Variants in NAT1 observed in about 807,000 individuals in gnomAD.
NAT1 encodes N-acetyltransferase 1, also known as arylamine N-acetyltransferase 1.
For synonymous variants in NAT1, 144 were observed against 122.6 expected, an observed-to-expected ratio of 1.17 and a Z score of -1.16; for missense variants, 400 against 339.2, an observed-to-expected ratio of 1.18 and a Z score of -1.41.
chr8:18,180,788 T>C (rs1182949759), intron 2 of NAT1, among the ~76,000 whole-genome samples: 14 of 152,132 alleles, frequency 9.2e-5, no homozygotes, highest in Admixed American at 9.2e-4. Flanking sequence ...AATTATAATG[T>C]ATCAGTTTTT....
upstream of NAT1, among the ~76,000 whole-genome samples, chr8:18,209,618 A>G (rs1249625153): frequency 1.3e-5 from 2 of 152,240 alleles, no homozygotes; most frequent in African/African-American, 4.8e-5. Flanking sequence ...TCTTTCAGAC[A>G]CATTGCCCAG....
intron 2 of NAT1, among the ~76,000 whole-genome samples, chr8:18,189,163 GT>G (rs1158065318): frequency 3.3e-5 from 5 of 152,038 alleles, no homozygotes; most frequent in African/African-American, 1.2e-4. Context: ...ATTTGCTACA[GT>G]TTTTTTCCTT....
chr8:18,186,898 G>A (rs1209636341), intron 2 of NAT1, among the ~76,000 whole-genome samples: 1 of 152,164 alleles, frequency 6.6e-6, no homozygotes, highest in East Asian at 1.9e-4. Context: ...AAGGAGAGCA[G>A]AAGAAACTCG....
chr8:18,210,043 T>A (rs1016800577), upstream of NAT1: 1 of 152,276 alleles, frequency 6.6e-6, no homozygotes, highest in African/African-American at 2.4e-5. Context: ...CTAATGTGAC[T>A]CTGGGGGCGG....
At chr8:18,189,829 A>T (rs1802906815) in intron 2 of NAT1, among the ~76,000 whole-genome samples, 1 of 152,078 alleles carries the variant, frequency 6.6e-6, no homozygotes, top group Non-Finnish European at 1.5e-5. Flanking sequence ...TCACTCTGTT[A>T]CCCAGGCTGG....
intron 2 of NAT1, among the ~76,000 whole-genome samples, chr8:18,199,779 G>A (rs534854533): frequency 3.3e-5 from 5 of 152,206 alleles, no homozygotes; most frequent in East Asian, 1.9e-4. Flanking sequence ...GGGGCTACTC[G>A]TTTCTTTGTG....
intron 1 of NAT1, among the ~76,000 whole-genome samples, chr8:18,215,261 C>T (rs1055791240): frequency 2.0e-5 from 3 of 152,314 alleles, no homozygotes; most frequent in Non-Finnish European, 4.4e-5. Context: ...TAGTGCCATA[C>T]ATTTTTCTAT....
chr8:18,209,082 G>A (rs1323143924), upstream of NAT1, among the ~76,000 whole-genome samples: 1 of 152,236 alleles, frequency 6.6e-6, no homozygotes, highest in Non-Finnish European at 1.5e-5. Flanking sequence ...CCAGGAGGCA[G>A]TGTTATACAA....
chr8:18,187,425 T>G (rs1275251248), intron 2 of NAT1, among the ~76,000 whole-genome samples: 4 of 152,188 alleles, frequency 2.6e-5, no homozygotes, highest in Non-Finnish European at 4.4e-5. Flanking sequence ...CTATTCACAA[T>G]AGCAAAGACA....
chr8:18,222,016 G>A, intron 2 of NAT1, 26 bp from the exon 3 acceptor site: 1 of 1,573,488 alleles, frequency 6.4e-7, no homozygotes, highest in Non-Finnish European at 8.6e-7. Context: ...AAAATGATTT[G>A]CTTTCGTTTT....
At chr8:18,193,662 G>C (rs1371216968) in intron 2 of NAT1, among the ~76,000 whole-genome samples, 3 of 111,912 alleles carry the variant, frequency 2.7e-5, no homozygotes, top group East Asian at 2.8e-4. Flanking sequence ...TTTCGAGATG[G>C]ACTTTCACTC....
chr8:18,171,177 G>C (rs887372300), intron 2 of NAT1, among the ~76,000 whole-genome samples: 1 of 152,102 alleles, frequency 6.6e-6, no homozygotes, highest in African/African-American at 2.4e-5. Flanking sequence ...AACTCAACTG[G>C]GCTCTGTAGA....
At chr8:18,175,344 G>A (rs967890553) in intron 2 of NAT1, among the ~76,000 whole-genome samples, 9 of 151,958 alleles carry the variant, frequency 5.9e-5, no homozygotes, top group Non-Finnish European at 1.3e-4. Context: ...CGTACCCTTT[G>A]ATCAACATCT....
At chr8:18,183,651 T>C (rs1802609463) in intron 2 of NAT1, among the ~76,000 whole-genome samples, 1 of 152,220 alleles carries the variant, frequency 6.6e-6, no homozygotes, top group Non-Finnish European at 1.5e-5. Context: ...GACTGAAGCA[T>C]GGTTCATCCT....
chr8:18,176,347 G>A (rs1486577050), intron 2 of NAT1, among the ~76,000 whole-genome samples: 1 of 152,078 alleles, frequency 6.6e-6, no homozygotes, highest in Non-Finnish European at 1.5e-5. Flanking sequence ...ACTGTGTAGT[G>A]TCACAGTTTC....
intron 2 of NAT1, among the ~76,000 whole-genome samples, chr8:18,191,916 GA>G (rs1170403136): frequency 2.0e-5 from 3 of 152,150 alleles, no homozygotes; most frequent in Non-Finnish European, 2.9e-5. Flanking sequence ...TACCATTTAG[GA>G]CATAGGCATG....
intron 2 of NAT1, among the ~76,000 whole-genome samples, chr8:18,196,477 A>T (rs1803239618): frequency 6.6e-6 from 1 of 152,212 alleles, no homozygotes; most frequent in Non-Finnish European, 1.5e-5. Flanking sequence ...GTAGATGATG[A>T]CAGACTAACA....
At chr8:18,220,145 C>G (rs1032724676) in intron 2 of NAT1, among the ~76,000 whole-genome samples, 1 of 152,110 alleles carries the variant, frequency 6.6e-6, no homozygotes, top group African/African-American at 2.4e-5. Context: ...ACATCTTGTT[C>G]TCTCTCTGAG....
At chr8:18,199,983 G>C (rs1378539237) in intron 2 of NAT1, among the ~76,000 whole-genome samples, 3 of 152,336 alleles carry the variant, frequency 2.0e-5, no homozygotes, top group African/African-American at 7.2e-5. Flanking sequence ...CCACCAGTCA[G>C]AATGGCTAAT....
Sources: allele counts gnomAD v4.1 joint callset (sites outside exome capture counted in the v4.1 genomes callset), GRCh38; gene constraint gnomAD v4.1.1; transcripts MANE v1.5; gene names NCBI Gene and HGNC (gene_info 2026-07-23, HGNC 2026-07-21).